TRIO: variants seen among roughly 807,000 people sequenced by gnomAD.
The protein encoded by TRIO is trio Rho guanine nucleotide exchange factor.
Under a neutral mutation model 351.9 loss-of-function variants are expected in TRIO, and 58 were observed. That is an observed-to-expected ratio of 0.16 (90% CI 0.13 to 0.21). TRIO has a LOEUF of 0.21. Ranked by LOEUF, TRIO falls within the 10% of genes least tolerant of loss-of-function variation. The probability of loss-of-function intolerance (pLI) is 1.00; values close to 1 mark genes in which losing one functional copy is unlikely to be tolerated. For synonymous variants in TRIO, 1,758 were observed against 1,595.7 expected (o/e 1.10, Z -2.42); for missense variants, 3,201 against 4,027.8 (o/e 0.79, Z 5.56).
intron 6 of TRIO, among the ~76,000 whole-genome samples, chr5:14,294,037 T>A (rs1377343174): frequency 6.6e-6 from 1 of 151,530 alleles, no homozygotes; most frequent in Non-Finnish European, 1.5e-5. Context: ...AATTAAAAAA[T>A]TAGCCAAGTG....
At chr5:14,279,129 A>G (rs1292108996) in intron 2 of TRIO, among the ~76,000 whole-genome samples, 4 of 152,176 alleles carry the variant, frequency 2.6e-5, no homozygotes, top group African/African-American at 9.7e-5. Context: ...TATAATACCT[A>G]AATTATTGGA....
chr5:14,215,717 G>A (rs1345888799), intron 1 of TRIO, among the ~76,000 whole-genome samples: 1 of 152,136 alleles, frequency 6.6e-6, no homozygotes, highest in African/African-American at 2.4e-5. Context: ...TTGCTTGTAT[G>A]TACAAATCTA....
At chr5:14,359,321 C>T (rs1443442116) in intron 12 of TRIO, 36 bp from the exon 13 acceptor site, 1 of 1,591,218 alleles carries the variant, frequency 6.3e-7, no homozygotes, top group Admixed American at 1.7e-5. Flanking sequence ...GTGTGACTTT[C>T]TCATCCAATT....
intron 31 of TRIO, among the ~76,000 whole-genome samples, chr5:14,403,533 T>TGAG (rs1748373034): frequency 1.0e-5 from 1 of 99,594 alleles, no homozygotes; most frequent in Non-Finnish European, 2.0e-5. Flanking sequence ...GTGCAGGTTG[T>TGAG]GGTGAGGGTG....
chr5:14,368,530 C>T (rs1460711291), intron 16 of TRIO, among the ~76,000 whole-genome samples, 178 bp from the exon 17 acceptor site: 4 of 152,102 alleles, frequency 2.6e-5, no homozygotes, highest in East Asian at 1.9e-4. Context: ...AGTTGTTTCT[C>T]GGCATAAAAC....
At chr5:14,161,635 C>T (rs1305215623) in intron 1 of TRIO, among the ~76,000 whole-genome samples, 2 of 152,118 alleles carry the variant, frequency 1.3e-5, no homozygotes, top group Non-Finnish European at 2.9e-5. Context: ...AGCATAATTA[C>T]CTGGAAAGTT....
intron 1 of TRIO, among the ~76,000 whole-genome samples, chr5:14,193,596 G>A (rs759784290): frequency 2.6e-5 from 4 of 152,196 alleles, no homozygotes; most frequent in Non-Finnish European, 4.4e-5. Flanking sequence ...CAAGGGGTAA[G>A]TCACTATATA....
intron 15 of TRIO, among the ~76,000 whole-genome samples, chr5:14,365,303 G>T (rs1579440408): frequency 6.6e-6 from 1 of 152,244 alleles, no homozygotes; most frequent in East Asian, 1.9e-4. Context: ...CTCAGTGCCA[G>T]TGGGATTCTG....
chr5:14,363,667 G>C, intron 13 of TRIO, 65 bp from the exon 14 acceptor site: 1 of 1,473,340 alleles, frequency 6.8e-7, no homozygotes, highest in South Asian at 1.2e-5. Context: ...TTCCTTACTT[G>C]GTACAGAGTG....
intron 34 of TRIO, among the ~76,000 whole-genome samples, chr5:14,459,395 T>C (rs1213285721): frequency 1.3e-5 from 2 of 152,202 alleles, no homozygotes; most frequent in Non-Finnish European, 2.9e-5. Flanking sequence ...TGATCACCAT[T>C]GTCACCGTTC....
intron 6 of TRIO, among the ~76,000 whole-genome samples, chr5:14,293,960 G>A (rs962115762): frequency 6.6e-6 from 1 of 151,734 alleles, no homozygotes; most frequent in Admixed American, 6.6e-5. Flanking sequence ...TTGTTGTAGA[G>A]CATTAAAGCA....
intron 29 of TRIO, among the ~76,000 whole-genome samples, chr5:14,398,653 G>A (rs1292392685): frequency 4.6e-5 from 7 of 152,140 alleles, no homozygotes; most frequent in African/African-American, 1.2e-4. Context: ...ATGAGGAATC[G>A]CAAAATGTTT....
At chr5:14,225,996 A>G (rs1201170226) in intron 1 of TRIO, among the ~76,000 whole-genome samples, 1 of 152,162 alleles carries the variant, frequency 6.6e-6, no homozygotes, top group Non-Finnish European at 1.5e-5. Flanking sequence ...GGCAGGGCTG[A>G]TGCTTCCTGC....
At chr5:14,185,433 A>T (rs1351515879) in intron 1 of TRIO, among the ~76,000 whole-genome samples, 1 of 152,150 alleles carries the variant, frequency 6.6e-6, no homozygotes, top group African/African-American at 2.4e-5. Flanking sequence ...CATAGTTGTT[A>T]AACATGGCAG....
intron 1 of TRIO, among the ~76,000 whole-genome samples, chr5:14,144,667 A>G (rs1385603839): frequency 1.3e-4 from 19 of 151,456 alleles, no homozygotes; most frequent in Admixed American, 1.2e-3. Flanking sequence ...CCCCGAGTCC[A>G]CCCCGGCGCA....
At chr5:14,180,840 G>C (rs1789722660) in intron 1 of TRIO, among the ~76,000 whole-genome samples, 1 of 120,634 alleles carries the variant, frequency 8.3e-6, no homozygotes, top group Non-Finnish European at 2.0e-5. Flanking sequence ...TCCCCCCAGT[G>C]CCCCCACAAA....
chr5:14,252,800 G>T (rs1794818890), intron 1 of TRIO, among the ~76,000 whole-genome samples: 1 of 151,714 alleles, frequency 6.6e-6, no homozygotes, highest in Non-Finnish European at 1.5e-5. Flanking sequence ...GGACGAGGTT[G>T]TGCAGCCTTC....
intron 1 of TRIO, among the ~76,000 whole-genome samples, chr5:14,201,559 T>C (rs1791111475): frequency 6.6e-6 from 1 of 152,192 alleles, no homozygotes. Flanking sequence ...CGTGTAGTTA[T>C]TCTGATAACA....
At position 14,406,699 on chromosome 5, in the gene TRIO, C is replaced by T. The variant is rs1026584253; in HGVS notation, c.4959+27C>T. 5.0e-6 allele frequency: 8 copies of T among 1,605,676 alleles called. No homozygotes were observed. The Middle Eastern group carries it at 5.0e-4, about 101-fold the overall frequency. On this transcript the variant is annotated intron_variant, in intron 33 of 56. Transcript: ENST00000344204. ...TGAGTCACTGCCGGCACTTTGTGTGCGGAGGGGAATGTGGCCAGTCTCTGG... is the reference window on the plus strand; with the variant it reads ...TGAGTCACTGCCGGCACTTTGTGTGTGGAGGGGAATGTGGCCAGTCTCTGG...
Sources: gnomAD v4.1 joint callset for allele counts (sites outside exome capture counted in the v4.1 genomes callset) on GRCh38, gnomAD v4.1.1 for gene constraint, MANE v1.5 for transcripts, NCBI Gene and HGNC (gene_info 2026-07-23, HGNC 2026-07-21) for gene names.